ACER1: variants seen among roughly 807,000 people sequenced by gnomAD.
ACER1 encodes the protein CTB-180A7.3.
ACER1 carries 28 observed loss-of-function variants against 24.9 expected under a neutral mutation model. The ratio of observed to expected loss-of-function variants is 1.13; its 90% CI spans 0.83 to 1.54. The LOEUF is 1.54. ACER1 is among the 40% of genes most tolerant of loss of function. The pLI is 0.00. For missense variants in ACER1, 352 were observed against 349.3 expected, an observed-to-expected ratio of 1.01 and a Z score of -0.06; for synonymous variants, 132 against 131.4, an observed-to-expected ratio of 1.00 and a Z score of -0.03.
the ACER1 span, among the ~76,000 whole-genome samples, chr19:6,343,118 G>A: frequency 2.6e-5 from 4 of 152,164 alleles, 1 homozygote; most frequent in African/African-American, 9.7e-5. Context: ...GTACTGGTGA[G>A]GATGGGAAGT....
At chr19:6,334,010 G>C (rs1397868634), upstream of ACER1, among the ~76,000 whole-genome samples, 6 of 151,838 alleles carry the variant, frequency 4.0e-5, no homozygotes, top group Non-Finnish European at 5.9e-5. Flanking sequence ...CTCTGAAGTA[G>C]CCAGGACCAC....
upstream of ACER1, among the ~76,000 whole-genome samples, chr19:6,334,027 A>T (rs957679498): frequency 6.6e-6 from 1 of 150,908 alleles, no homozygotes; most frequent in Non-Finnish European, 1.5e-5. Flanking sequence ...CCACAGGCAC[A>T]TGCTGCCACC....
intron 1 of ACER1, among the ~76,000 whole-genome samples, chr19:6,332,600 GT>G (rs2091693541): frequency 6.6e-6 from 1 of 152,036 alleles, no homozygotes; most frequent in Non-Finnish European, 1.5e-5. Context: ...CACTTCCCAT[GT>G]GGTGTTTTAA....
chr19:6,321,983 T>C (rs1203616905), intron 1 of ACER1, among the ~76,000 whole-genome samples: 2 of 151,798 alleles, frequency 1.3e-5, no homozygotes, highest in African/African-American at 4.9e-5. Context: ...GCTCCTGCAA[T>C]TCTTGTTGAA....
chr19:6,306,975 T>C, intron 5 of ACER1, 93 bp from the exon 6 acceptor site: 3 of 1,511,246 alleles, frequency 2.0e-6, no homozygotes, highest in Non-Finnish European at 2.7e-6. Flanking sequence ...TGACCATCCA[T>C]CCAGGGGAGC....
chr19:6,343,247 T>C, the ACER1 span, among the ~76,000 whole-genome samples: 1 of 152,140 alleles, frequency 6.6e-6, no homozygotes, highest in Non-Finnish European at 1.5e-5. Context: ...CAAATATCAG[T>C]GTCCTAAAAG....
the ACER1 span, among the ~76,000 whole-genome samples, chr19:6,355,395 CGCGA>C: frequency 7.0e-6 from 1 of 141,972 alleles, no homozygotes; most frequent in African/African-American, 2.9e-5. Flanking sequence ...TCTTCCCGGC[CGCGA>C]CCCCATCTGG....
At position 6,324,845 on chromosome 19, in the gene ACER1, GAA is replaced by G. The variant is rs1247857722; in HGVS notation, c.93+8612_93+8613del. ...GAAGGAAAGGAAGGAAGGAAGGAAG[GAA>G]AGAGAGAGAGAGAAAGGAAGGAAGG... On this transcript the variant is annotated intron_variant, in intron 1 of 5. Transcript: ENST00000301452. Among the ~76,000 whole-genome samples the G allele has an allele frequency of 2.7e-3, 380 of 138,388 alleles. 5 individuals are homozygous for G. The highest frequency in any genetic ancestry group is 0.01 in the African/African-American group (362 of 35,918). 90.8% of individuals were successfully genotyped at this position (138,388 alleles called of 152,430 possible). A position where few individuals can be genotyped will look rare whatever the true frequency, so the allele number is the denominator to read the frequency against.
At chr19:6,330,153 G>C (rs1421440549) in intron 1 of ACER1, among the ~76,000 whole-genome samples, 1 of 131,636 alleles carries the variant, frequency 7.6e-6, no homozygotes, top group Non-Finnish European at 1.6e-5. Flanking sequence ...TTACAGGCGT[G>C]AGCCACCACG....
upstream of ACER1, among the ~76,000 whole-genome samples, chr19:6,336,035 G>T (rs2091713127): frequency 1.3e-5 from 2 of 151,620 alleles, no homozygotes; most frequent in Admixed American, 1.3e-4. Flanking sequence ...CAAGTAGCTG[G>T]ATTTACAGGC....
the ACER1 span, among the ~76,000 whole-genome samples, chr19:6,357,262 G>A: frequency 6.6e-6 from 1 of 151,870 alleles, no homozygotes; most frequent in Non-Finnish European, 1.5e-5. Flanking sequence ...GGTCAGGCTG[G>A]TCTTGAACTC....
chr19:6,330,562 C>T (rs1236138099), intron 1 of ACER1, among the ~76,000 whole-genome samples: 1 of 149,990 alleles, frequency 6.7e-6, no homozygotes, highest in Non-Finnish European at 1.5e-5. Flanking sequence ...CCTCCTGTCT[C>T]GACCTTCCAA....
chr19:6,316,362 A>G (rs566459600), intron 1 of ACER1, among the ~76,000 whole-genome samples: 1 of 152,264 alleles, frequency 6.6e-6, no homozygotes, highest in South Asian at 2.1e-4. Flanking sequence ...TTGCTTGAGC[A>G]CAGGAGTTGG....
chr19:6,308,141 A>G (rs554144629), intron 4 of ACER1, among the ~76,000 whole-genome samples: 23 of 152,122 alleles, frequency 1.5e-4, no homozygotes, highest in African/African-American at 5.5e-4. Flanking sequence ...ACCTTCGAAT[A>G]TTAACTCAGT....
At chr19:6,354,299 C>T in the ACER1 span, among the ~76,000 whole-genome samples, 10 of 149,630 alleles carry the variant, frequency 6.7e-5, no homozygotes, top group Admixed American at 2.0e-4. Flanking sequence ...ATACTTTTTA[C>T]TGTTAGGGGG....
At chr19:6,313,249 G>C (rs1480275615) in intron 1 of ACER1, among the ~76,000 whole-genome samples, 1 of 152,026 alleles carries the variant, frequency 6.6e-6, no homozygotes, top group South Asian at 2.1e-4. Flanking sequence ...CTCCCGAGTA[G>C]CTGGGACTAC....
upstream of ACER1, among the ~76,000 whole-genome samples, chr19:6,337,725 G>C (rs1179802611): frequency 3.1e-5 from 4 of 129,068 alleles, no homozygotes; most frequent in Admixed American, 8.9e-5. Flanking sequence ...GCCCAGGCTG[G>C]AGTGCAGTGG....
At chr19:6,341,062 C>T in the ACER1 span, among the ~76,000 whole-genome samples, 1 of 151,952 alleles carries the variant, frequency 6.6e-6, no homozygotes, top group African/African-American at 2.4e-5. Context: ...TGTTCTCCAC[C>T]TTCACAGCCA....
intron 1 of ACER1, among the ~76,000 whole-genome samples, chr19:6,312,858 G>A (rs1218303629): frequency 6.6e-6 from 1 of 151,448 alleles, no homozygotes; most frequent in African/African-American, 2.4e-5. Context: ...TATATTTTTG[G>A]TAGAGACAGG....
Sources: allele counts gnomAD v4.1 joint callset (sites outside exome capture counted in the v4.1 genomes callset), GRCh38; gene constraint gnomAD v4.1.1; transcripts MANE v1.5; gene names NCBI Gene and HGNC (gene_info 2026-07-23, HGNC 2026-07-21).